The following ANKRD55 variants were observed in gnomAD, a reference collection of about 807,000 sequenced individuals.
The protein encoded by ANKRD55 is ankyrin repeat domain-containing protein 55.
A neutral mutation model predicts 60.6 loss-of-function variants in ANKRD55; 41 were observed. The observed-to-expected ratio is 0.68, with a 90% confidence interval of 0.53 to 0.88. The LOEUF (loss-of-function observed/expected upper bound fraction) is 0.88, where lower values mean the gene tolerates loss of function less well. Among genes scored for constraint, ANKRD55 ranks in the 40% least tolerant of loss-of-function variants. The pLI, the probability that ANKRD55 is intolerant of heterozygous loss-of-function variation, is 0.00. For synonymous variants in ANKRD55, 264 were observed against 290.3 expected (o/e 0.91, Z 0.92); for missense variants, 732 against 767.6 (o/e 0.95, Z 0.55).
chr5:56,218,499 G>T (rs572346393), intron 2 of ANKRD55, among the ~76,000 whole-genome samples: 2 of 152,154 alleles, frequency 1.3e-5, no homozygotes, highest in Admixed American at 6.5e-5. Flanking sequence ...ATGGCTGAAG[G>T]CTCAGATGAT....
chr5:56,125,872 G>C (rs1010916442), intron 8 of ANKRD55: 1 of 152,112 alleles, frequency 6.6e-6, no homozygotes, highest in African/African-American at 2.4e-5. Flanking sequence ...GGTGGCTCAC[G>C]CACGTAATCC....
intron 4 of ANKRD55, among the ~76,000 whole-genome samples, chr5:56,172,455 T>G (rs373564011): frequency 6.0e-4 from 92 of 152,072 alleles, no homozygotes; most frequent in Admixed American, 1.6e-3. Context: ...TGGGCAAATT[T>G]CAGAGTTGCC....
At chr5:56,153,903 A>T (rs542983678) in intron 6 of ANKRD55, among the ~76,000 whole-genome samples, 1 of 149,554 alleles carries the variant, frequency 6.7e-6, no homozygotes. Context: ...TTCTAAGACA[A>T]ATGCTTGAGT....
At chr5:56,207,887 T>A (rs1222546614) in intron 2 of ANKRD55, among the ~76,000 whole-genome samples, 1 of 152,226 alleles carries the variant, frequency 6.6e-6, no homozygotes, top group Admixed American at 6.5e-5. Context: ...AATAAATTAA[T>A]CTTAGCTTAC....
intron 9 of ANKRD55, 139 bp from the exon 10 acceptor site, chr5:56,111,921 A>G (rs1156291291): frequency 1.3e-6 from 1 of 758,174 alleles, no homozygotes; most frequent in Non-Finnish European, 1.9e-6. Context: ...AGCCTTCTCA[A>G]GTTAAAGGCA....
At chr5:56,173,580 CTCTATATATATA>C (rs1449887529) in intron 4 of ANKRD55, among the ~76,000 whole-genome samples, 9 of 59,770 alleles carry the variant, frequency 1.5e-4, no homozygotes, top group African/African-American at 5.4e-4. Context: ...CTCTCTCTCT[CTCTATATATATA>C]TATATATATA....
rs1757543471 is a variant in ANKRD55 at position 56,135,288 on chromosome 5, C to CTGCCTGCT, written c.613-8183_613-8182insAGCAGGCA. ...TTTCCCTCCCTCCCTCCCTGCCTGC[C>CTGCCTGCT]TGCTTGCTTTCTTTCTTTCTTTCTT... On this transcript the variant is annotated intron_variant, in intron 7 of 11. Coordinates refer to ENST00000341048, the MANE Select transcript of ANKRD55 (RefSeq NM_024669.3). Among the ~76,000 whole-genome samples the CTGCCTGCT allele has an allele frequency of 1.1e-3, 105 of 93,042 alleles. 2 individuals carry two copies. Among genetic ancestry groups the CTGCCTGCT allele is most frequent in the East Asian group, 4.8e-3 (14 of 2,934 alleles). 61.0% of individuals were successfully genotyped at this position (93,042 alleles called of 152,430 possible). A position where few individuals can be genotyped will look rare whatever the true frequency, so the allele number is the denominator to read the frequency against.
Position 56,166,952 on chromosome 5 carries a change from T to C in ANKRD55, c.422+3742A>G, listed in dbSNP as rs1758498832. ...AGACCAAGGGCTTAATGTCAAAATA[T>C]GGCCATTAAAATAAATTCGGTTTCT... is the stretch of plus-strand genomic sequence containing the variant. On this transcript the variant is annotated intron_variant, in intron 5 of 11. Transcript: ENST00000341048. Among the ~76,000 whole-genome samples the C allele has an allele frequency of 2.0e-5, 3 of 152,236 alleles. 1 individual carries two copies. In the South Asian group the frequency reaches 6.2e-4, roughly 31 times the overall value.
At chr5:56,135,377 T>C (rs1025226796) in intron 7 of ANKRD55, among the ~76,000 whole-genome samples, 1 of 149,420 alleles carries the variant, frequency 6.7e-6, no homozygotes, top group Non-Finnish European at 1.5e-5. Flanking sequence ...CCTTCTTTCT[T>C]TCTTTCTTTC....
At chr5:56,116,531 G>T in intron 9 of ANKRD55, 84 bp downstream of exon 9, 1 of 1,175,050 alleles carries the variant, frequency 8.5e-7, no homozygotes, top group South Asian at 2.6e-5. Flanking sequence ...TTATTGGTTT[G>T]CACCTTGGCA....
intron 7 of ANKRD55, chr5:56,137,490 C>T (rs1050600773): frequency 1.5e-5 from 12 of 800,814 alleles, no homozygotes; most frequent in East Asian, 4.8e-5. Context: ...AAAGATATCC[C>T]AGAAGAAACT....
chr5:56,168,917 TG>T (rs2111810268), intron 5 of ANKRD55, among the ~76,000 whole-genome samples: 1 of 152,338 alleles, frequency 6.6e-6, no homozygotes, highest in South Asian at 2.1e-4. Flanking sequence ...AGTGCAGTGG[TG>T]CAAACTCAGC....
At chr5:56,208,828 C>T (rs1184600105) in intron 2 of ANKRD55, among the ~76,000 whole-genome samples, 4 of 152,088 alleles carry the variant, frequency 2.6e-5, no homozygotes, top group Non-Finnish European at 5.9e-5. Context: ...ATGATGGCTA[C>T]GATATCAATA....
At chr5:56,126,075 A>C (rs902588685) in intron 8 of ANKRD55, among the ~76,000 whole-genome samples, 45 of 152,280 alleles carry the variant, frequency 3.0e-4, no homozygotes, top group African/African-American at 1.1e-3. Flanking sequence ...TGGAGGTTGC[A>C]GTGGGCTGAG....
chr5:56,165,085 C>T (rs1038786240), intron 5 of ANKRD55, among the ~76,000 whole-genome samples: 21 of 152,138 alleles, frequency 1.4e-4, no homozygotes, highest in African/African-American at 5.1e-4. Context: ...CTCCAGTGAG[C>T]ACCAAATAGA....
At chr5:56,225,366 CAGCCAAT>C (rs1760083810) in intron 2 of ANKRD55, among the ~76,000 whole-genome samples, 1 of 152,188 alleles carries the variant, frequency 6.6e-6, no homozygotes, top group Non-Finnish European at 1.5e-5. Context: ...GATAAACCCA[CAGCCAAT>C]ATCATACTGA....
At chr5:56,146,609 T>C (rs547247480) in intron 6 of ANKRD55, 1 of 151,930 alleles carries the variant, frequency 6.6e-6, no homozygotes, top group East Asian at 1.9e-4. Context: ...TGGCTTTGCT[T>C]TTTAAAATCA....
chr5:56,194,174 G>C (rs1263841897), intron 2 of ANKRD55, among the ~76,000 whole-genome samples: 1 of 151,994 alleles, frequency 6.6e-6, no homozygotes, highest in Non-Finnish European at 1.5e-5. Context: ...AAATTAGCTG[G>C]GCGTGGTGGC....
chr5:56,170,739 T>C lies in ANKRD55; in HGVS notation c.377A>G (p.Asn126Ser), dbSNP rs771155798. ...GGCAGCATGCAGTGGCAGGCGGCCA[T>C]TTTTATCTGGGATATTGTGCTTGGC... ...NGAKHNIPDKNGRLPLHAATA... is the reference protein window; with the variant it reads ...NGAKHNIPDKSGRLPLHAATA... The change falls in exon 5 of 12, where the codon AAT becomes AGT. Residue 126 changes from asparagine (N) to serine (S), a missense_variant. Asn to Ser is a conservative substitution (Grantham distance 46). Coordinates refer to ENST00000341048, the MANE Select transcript of ANKRD55 (RefSeq NM_024669.3). The C allele has an allele frequency of 6.8e-5, 110 of 1,614,026 alleles. No homozygotes were observed. Among genetic ancestry groups the C allele is most frequent in the Non-Finnish European group, 8.6e-5 (101 of 1,180,030 alleles).
Sources: gnomAD v4.1 joint callset for allele counts (sites outside exome capture counted in the v4.1 genomes callset) on GRCh38, gnomAD v4.1.1 for gene constraint, MANE v1.5 for transcripts, NCBI Gene and HGNC (gene_info 2026-07-23, HGNC 2026-07-21) for gene names.